The following DPYSL2 variants were observed in gnomAD, a reference collection of about 807,000 sequenced individuals.
The protein encoded by DPYSL2 is dihydropyrimidinase-related protein 2.
Under a neutral mutation model 69.9 loss-of-function variants are expected in DPYSL2, and 13 were observed. The observed-to-expected ratio is 0.19, with a 90% CI of 0.12 to 0.30. The LOEUF is 0.30. DPYSL2 is among the 10% of genes least tolerant of loss of function. The pLI, the probability that DPYSL2 is intolerant of heterozygous loss-of-function variation, is 1.00. For synonymous variants in DPYSL2, 326 were observed against 359.1 expected (o/e 0.91, Z 1.04); for missense variants, 587 against 918.9 (o/e 0.64, Z 4.67).
intron 1 of DPYSL2, among the ~76,000 whole-genome samples, chr8:26,532,794 T>C (rs943152945): frequency 2.6e-5 from 4 of 152,228 alleles, no homozygotes; most frequent in African/African-American, 7.2e-5. Flanking sequence ...TTGGGTTGTT[T>C]CCACTTTTTA....
chr8:26,536,863 G>A (rs1051055561), intron 1 of DPYSL2, among the ~76,000 whole-genome samples: 5 of 152,300 alleles, frequency 3.3e-5, no homozygotes, highest in Non-Finnish European at 5.9e-5. Context: ...ATTCTGAATT[G>A]CAGCTGTATT....
intron 1 of DPYSL2, among the ~76,000 whole-genome samples, chr8:26,540,187 CAG>C (rs1476782587): frequency 2.6e-5 from 4 of 152,140 alleles, no homozygotes; most frequent in African/African-American, 9.6e-5. Context: ...CTTAAAACCT[CAG>C]AAATTCTGGG....
chr8:26,557,630 A>AAAT (rs1408255328), intron 1 of DPYSL2, among the ~76,000 whole-genome samples: 1 of 149,376 alleles, frequency 6.7e-6, no homozygotes, highest in African/African-American at 2.4e-5. Flanking sequence ...ATACAAAAAA[A>AAAT]AAAAAAAAAA....
chr8:26,599,060 A>G (rs1474592228), intron 3 of DPYSL2, among the ~76,000 whole-genome samples: 2 of 152,254 alleles, frequency 1.3e-5, no homozygotes, highest in Admixed American at 6.5e-5. Context: ...TAGTCCTGAA[A>G]TATGAGTTTT....
chr8:26,538,865 T>G (rs1166796975), intron 1 of DPYSL2, among the ~76,000 whole-genome samples: 1 of 152,196 alleles, frequency 6.6e-6, no homozygotes, highest in East Asian at 1.9e-4. Context: ...AGAAGACCAC[T>G]GGGCCCCAGT....
chr8:26,515,867 T>C (rs1808278195), intron 1 of DPYSL2, among the ~76,000 whole-genome samples: 2 of 152,080 alleles, frequency 1.3e-5, no homozygotes, highest in Admixed American at 6.6e-5. Context: ...GTGCAAGAGG[T>C]TTCTTCTTCT....
chr8:26,639,876 G>A (rs1803002081), intron 8 of DPYSL2, among the ~76,000 whole-genome samples: 1 of 152,152 alleles, frequency 6.6e-6, no homozygotes, highest in Non-Finnish European at 1.5e-5. Context: ...ACGAATTTCA[G>A]AAACCTCAGA....
chr8:26,581,367 A>G (rs991231503), intron 1 of DPYSL2, among the ~76,000 whole-genome samples: 9 of 150,936 alleles, frequency 6.0e-5, no homozygotes, highest in Non-Finnish European at 1.0e-4. Flanking sequence ...CATTTTAAAA[A>G]GTACTATCTT....
In DPYSL2 at chr8:26,564,995, C is replaced by T. The variant is rs902587504; in HGVS notation, c.355-16974C>T. Among the ~76,000 whole-genome samples, 5 of 152,170 alleles carry T rather than the reference C, an allele frequency of 3.3e-5. No homozygotes were observed. The highest frequency in any genetic ancestry group is 7.3e-5 in the Non-Finnish European group (5 of 68,032). On this transcript the variant is annotated intron_variant, in intron 1 of 13. Coordinates refer to ENST00000521913, the MANE Select transcript of DPYSL2 (RefSeq NM_001197293.3). This position sits in a 1 kb window ranked among gnomAD's most constrained non-coding sequence, Gnocchi z 4.8. Reference sequence around the variant, plus strand: ...ATGCCTTTGTGTATTCATAGCTTAGCTCCCTCTTATAAGTGAGAACATACA... The same window carrying T: ...ATGCCTTTGTGTATTCATAGCTTAGTTCCCTCTTATAAGTGAGAACATACA...
At chr8:26,553,842 C>T (rs749296862) in intron 1 of DPYSL2, among the ~76,000 whole-genome samples, 1 of 150,984 alleles carries the variant, frequency 6.6e-6, no homozygotes, top group African/African-American at 2.4e-5. Flanking sequence ...CTCCCACCAA[C>T]AGTGCACAAG....
rs1236274335 is a variant in DPYSL2 at position 26,593,929 on chromosome 8, A to AG, written c.628+9949dup. Among the ~76,000 whole-genome samples the AG allele has an allele frequency of 1.3e-5, 2 of 152,182 alleles. No individual in the cohort carries two copies. Among genetic ancestry groups the AG allele is most frequent in the Non-Finnish European group, 2.9e-5 (2 of 68,022 alleles). On this transcript the variant is annotated intron_variant, in intron 3 of 13. Coordinates refer to ENST00000521913, the MANE Select transcript of DPYSL2 (RefSeq NM_001197293.3). The surrounding 1 kb of genome is among the most constrained non-coding windows in gnomAD (Gnocchi z 5.7). ...GGGAGCCTGTGAGACAAAAATCAAA[A>AG]GGGCCTGATAATAACATAGAATCAT...
rs533837652 is a variant in DPYSL2, at chr8:26,556,516, A to C, written c.355-25453A>C. On this transcript the variant is annotated intron_variant, in intron 1 of 13. Coordinates refer to ENST00000521913, the MANE Select transcript of DPYSL2 (RefSeq NM_001197293.3). ...TTGTAGGATATAAGGTTATTATACA[A>C]AAGTCAGCTGCTTTTGTATATACCA... 2.8e-3 allele frequency among the ~76,000 whole-genome samples: 409 copies of C among 148,512 alleles called. 4 individuals carry two copies. Among genetic ancestry groups the C allele is most frequent in the African/African-American group, 9.7e-3 (390 of 40,338 alleles).
intron 1 of DPYSL2, among the ~76,000 whole-genome samples, chr8:26,519,442 T>C (rs945404449): frequency 1.3e-5 from 2 of 152,246 alleles, no homozygotes; most frequent in African/African-American, 4.8e-5. Context: ...CCTCTATCAG[T>C]AAAGCCATGT....
chr8:26,600,818 C>T (rs182686130), intron 3 of DPYSL2, among the ~76,000 whole-genome samples: 27 of 152,332 alleles, frequency 1.8e-4, no homozygotes, highest in African/African-American at 5.3e-4. Flanking sequence ...AGCCTGGCAC[C>T]GCTCCTCGAG....
chr8:26,582,928 G>A lies in DPYSL2; in HGVS notation c.443+871G>A, dbSNP rs972664112. ...CTAAAATAGATTTTAACATTTCCAC[G>A]TTTAATGTTTTCTCCATGTGTGTTT... On this transcript the variant is annotated intron_variant, in intron 2 of 13. Coordinates refer to ENST00000521913, the MANE Select transcript of DPYSL2 (RefSeq NM_001197293.3). The surrounding 1 kb of genome is among the most constrained non-coding windows in gnomAD (Gnocchi z 4.1). Among the ~76,000 whole-genome samples, 3 of 152,142 alleles carry A rather than the reference G, an allele frequency of 2.0e-5. No individual in the cohort carries two copies. Among genetic ancestry groups the A allele is most frequent in the South Asian group, 4.1e-4 (2 of 4,836 alleles).
Position 26,655,752 on chromosome 8 carries a change from T to C in DPYSL2, c.*46T>C. 1.4e-6 allele frequency: 2 copies of C among 1,432,718 alleles called. No homozygotes were observed. The highest frequency in any genetic ancestry group is 1.9e-6 in the Non-Finnish European group (2 of 1,062,134). The allele number at this position is 1,432,718 out of a possible 1,614,324, so 88.8% of individuals were successfully genotyped here. A position where few individuals can be genotyped will look rare whatever the true frequency, so the allele number is the denominator to read the frequency against. On this transcript the variant is annotated 3_prime_UTR_variant, in exon 14 of 14. Transcript: ENST00000521913. ...CACTGGGGACTGGGGATGGGACACC[T>C]GAGGACATTCTGAGACTTCTTTCTT...
Position 26,586,155 on chromosome 8 carries a change from T to C in DPYSL2, c.628+2172T>C, listed in dbSNP as rs1482741082. On this transcript the variant is annotated intron_variant, in intron 3 of 13. Coordinates refer to ENST00000521913, the MANE Select transcript of DPYSL2 (RefSeq NM_001197293.3). The surrounding 1 kb of genome is among the most constrained non-coding windows in gnomAD (Gnocchi z 4.7). ...AGTGAATGGTCAGTGTCATCTATCA[T>C]TGGAGAGGGAAATGCCCCCAGCCAG... Among the ~76,000 whole-genome samples, 3 of 152,124 alleles carry C rather than the reference T, an allele frequency of 2.0e-5. No individual in the cohort carries two copies. The highest frequency in any genetic ancestry group is 2.0e-4 in the Admixed American group (3 of 15,270).
rs141366955 is a variant in DPYSL2, at chr8:26,582,502, C to T, written c.443+445C>T. 4.7e-4 allele frequency among the ~76,000 whole-genome samples: 71 copies of T among 152,294 alleles called. No individual in the cohort carries two copies. The highest frequency in any genetic ancestry group is 3.4e-3 in the Middle Eastern group (1 of 294). ...AAGTTGGAGGGGCCAAAGAAAGATA[C>T]CAAGTTAATTACTAAGTAATACAGA... is the stretch of plus-strand genomic sequence containing the variant. On this transcript the variant is annotated intron_variant, in intron 2 of 13. Transcript: ENST00000521913. This position sits in a 1 kb window ranked among gnomAD's most constrained non-coding sequence, Gnocchi z 4.1.
At chr8:26,528,436 C>T (rs1173478263) in intron 1 of DPYSL2, among the ~76,000 whole-genome samples, 1 of 152,026 alleles carries the variant, frequency 6.6e-6, no homozygotes, top group Non-Finnish European at 1.5e-5. Flanking sequence ...ATCCCGAGGT[C>T]AAGAGATCGA....
Sources: allele counts gnomAD v4.1 joint callset (sites outside exome capture counted in the v4.1 genomes callset), GRCh38; gene constraint gnomAD v4.1.1; non-coding constraint Gnocchi (gnomAD v3.1); transcripts MANE v1.5; gene names NCBI Gene and HGNC (gene_info 2026-07-23, HGNC 2026-07-21).